The following WDR41 variants were observed in gnomAD, a reference collection of about 807,000 sequenced individuals.
WDR41 encodes WD repeat domain 41.
A neutral mutation model predicts 69.3 loss-of-function variants in WDR41; 63 were observed. The observed-to-expected ratio is 0.91, with a 90% CI of 0.74 to 1.12. The LOEUF (loss-of-function observed/expected upper bound fraction) is 1.12, where lower values mean the gene tolerates loss of function less well. Among genes scored for constraint, WDR41 ranks in the 50% most tolerant of loss-of-function variants. The pLI, the probability that WDR41 is intolerant of heterozygous loss-of-function variation, is 0.00. For missense variants in WDR41, 543 were observed against 534.5 expected, an observed-to-expected ratio of 1.02 and a Z score of -0.16; for synonymous variants, 185 against 192.1, an observed-to-expected ratio of 0.96 and a Z score of 0.31.
chr5:77,459,045 TTTAC>T lies in WDR41; in HGVS notation c.411+13_411+16del, dbSNP rs760159086. ...AAATAGATTGTCATAAAAACTCATA[TTTAC>T]TTAAGATTTTACCTTTACAGTAGAC... On this transcript the variant is annotated intron_variant, in intron 5 of 12. Coordinates refer to ENST00000296679, the MANE Select transcript of WDR41 (RefSeq NM_018268.4). The T allele has an allele frequency of 3.2e-6, 5 of 1,558,658 alleles. No individual in the cohort carries two copies. Among genetic ancestry groups the T allele is most frequent in the Non-Finnish European group, 4.4e-6 (5 of 1,143,294 alleles).
At chr5:77,479,131 C>G (rs950040463) in intron 2 of WDR41, among the ~76,000 whole-genome samples, 1 of 151,984 alleles carries the variant, frequency 6.6e-6, no homozygotes, top group Non-Finnish European at 1.5e-5. Context: ...GGAAGGACCT[C>G]TTCAAGGAGA....
chr5:77,449,856 C>A lies in WDR41; in HGVS notation c.601G>T (p.Val201Leu). The A allele has an allele frequency of 6.2e-7, 1 of 1,611,732 alleles. No individual in the cohort carries two copies. Among genetic ancestry groups the A allele is most frequent in the South Asian group, 1.1e-5 (1 of 90,820 alleles). ...VGKELIIFRL[V>L]APTEGSLEWD... ...TCTAGTGATCCTTCTGTGGGTGCTACCAACCTGAAAATTACTAAATGAAAA... is the reference window on the plus strand; with the variant it reads ...TCTAGTGATCCTTCTGTGGGTGCTAACAACCTGAAAATTACTAAATGAAAA... Residue 201 changes from valine (V) to leucine (L), a missense_variant, in exon 8 of 13, where the codon GTA becomes TTA. Physicochemically the swap from Val to Leu is conservative, Grantham distance 32. Coordinates refer to ENST00000296679, the MANE Select transcript of WDR41 (RefSeq NM_018268.4).
intron 1 of WDR41, among the ~76,000 whole-genome samples, chr5:77,516,068 C>A (rs542964138): frequency 1.4e-4 from 22 of 152,278 alleles, no homozygotes; most frequent in African/African-American, 4.8e-4. Flanking sequence ...CTTATTATGG[C>A]TCTTGGTACG....
chr5:77,474,964 G>T (rs915409292), intron 2 of WDR41, among the ~76,000 whole-genome samples: 1 of 152,172 alleles, frequency 6.6e-6, no homozygotes, highest in African/African-American at 2.4e-5. Context: ...TGCGTGCACC[G>T]TGCGCGAGCC....
chr5:77,502,992 A>AC (rs1802043513), intron 1 of WDR41, among the ~76,000 whole-genome samples: 3 of 152,142 alleles, frequency 2.0e-5, no homozygotes, highest in African/African-American at 7.2e-5. Context: ...CATCATAATG[A>AC]TGGATCATAT....
In WDR41 at chr5:77,443,876, CTTTTT is replaced by C. The variant is rs746105630; in HGVS notation, c.698-2884_698-2880del. ...AATACGGCATTCAGCTCAATCAGCA[CTTTTT>C]TTTTTTTTTTTTTTTTTTTGAAATG... On this transcript the variant is annotated intron_variant, in intron 8 of 12. Transcript: ENST00000296679. Among the ~76,000 whole-genome samples, 12 of 105,028 alleles carry C rather than the reference CTTTTT, an allele frequency of 1.1e-4. No individual in the cohort carries two copies. The East Asian group carries it at 1.6e-3, about 14-fold the overall frequency. The allele number at this position is 105,028 out of a possible 152,430, so 68.9% of individuals were successfully genotyped here.
intron 1 of WDR41, among the ~76,000 whole-genome samples, chr5:77,552,707 A>G (rs1448101061): frequency 6.6e-6 from 1 of 152,206 alleles, no homozygotes; most frequent in Non-Finnish European, 1.5e-5. Flanking sequence ...ACATGAATCA[A>G]CGGAGCAGCA....
At chr5:77,449,975 T>A in intron 7 of WDR41, 105 bp from the exon 8 acceptor site, 1 of 752,966 alleles carries the variant, frequency 1.3e-6, no homozygotes, top group Non-Finnish European at 2.2e-6. Context: ...ATACCTACCA[T>A]ACTGAAAAAC....
At chr5:77,595,306 G>T (rs924187712) in intron 1 of WDR41, among the ~76,000 whole-genome samples, 4 of 152,192 alleles carry the variant, frequency 2.6e-5, no homozygotes, top group African/African-American at 7.2e-5. Context: ...ATATGGGGGA[G>T]AGTTGCCTCA....
chr5:77,543,665 G>A (rs188828629), intron 1 of WDR41, among the ~76,000 whole-genome samples: 1 of 152,118 alleles, frequency 6.6e-6, no homozygotes, highest in East Asian at 1.9e-4. Flanking sequence ...TATGATAAAC[G>A]ACCAAAGCAA....
chr5:77,458,817 G>C, intron 5 of WDR41: 1 of 321,492 alleles, frequency 3.1e-6, no homozygotes, highest in Non-Finnish European at 5.7e-6. Flanking sequence ...AAACATACCA[G>C]GTACTACCTT....
At chr5:77,494,233 G>A (rs1015087747), upstream of WDR41, among the ~76,000 whole-genome samples, 2 of 152,040 alleles carry the variant, frequency 1.3e-5, no homozygotes, top group Admixed American at 1.3e-4. Flanking sequence ...AAATACAAAA[G>A]ATGGCAGTAA....
chr5:77,612,154 T>C (rs760584784), intron 1 of WDR41, among the ~76,000 whole-genome samples: 33 of 152,036 alleles, frequency 2.2e-4, no homozygotes, highest in Non-Finnish European at 3.8e-4. Context: ...TAATCAATAG[T>C]TTACCAACCA....
At chr5:77,489,379 AT>A in intron 2 of WDR41, 77 bp downstream of exon 2, 2 of 786,952 alleles carry the variant, frequency 2.5e-6, no homozygotes, top group East Asian at 5.6e-5. Context: ...AGATGTATTA[AT>A]TTTAAAGGTG....
chr5:77,443,699 G>A (rs1353367251), intron 8 of WDR41, among the ~76,000 whole-genome samples: 2 of 151,974 alleles, frequency 1.3e-5, no homozygotes, highest in Non-Finnish European at 2.9e-5. Context: ...GATTCCCCTT[G>A]ACTCTCACTC....
intron 1 of WDR41, among the ~76,000 whole-genome samples, chr5:77,512,446 T>C (rs1479562195): frequency 1.3e-5 from 2 of 148,770 alleles, no homozygotes; most frequent in East Asian, 2.0e-4. Context: ...TTAAAAGTCT[T>C]TGGACATAAA....
At chr5:77,500,057 C>T (rs935954293) in intron 1 of WDR41, among the ~76,000 whole-genome samples, 5 of 152,238 alleles carry the variant, frequency 3.3e-5, no homozygotes, top group South Asian at 2.1e-4. Flanking sequence ...AATTACTTGG[C>T]ATATGGAGAA....
intron 1 of WDR41, among the ~76,000 whole-genome samples, chr5:77,578,433 A>G (rs1299599810): frequency 6.6e-6 from 1 of 152,148 alleles, no homozygotes; most frequent in African/African-American, 2.4e-5. Context: ...TTTTCCAAGT[A>G]AAAAATGCAA....
intron 1 of WDR41, among the ~76,000 whole-genome samples, chr5:77,531,127 C>T (rs1380491182): frequency 1.3e-5 from 2 of 151,716 alleles, no homozygotes; most frequent in Non-Finnish European, 3.0e-5. Flanking sequence ...ACCAAAAGTA[C>T]AAATAACAGC....
Sources: allele counts gnomAD v4.1 joint callset (sites outside exome capture counted in the v4.1 genomes callset), GRCh38; gene constraint gnomAD v4.1.1; transcripts MANE v1.5; gene names NCBI Gene and HGNC (gene_info 2026-07-23, HGNC 2026-07-21).